Variants in ERCC1 observed in about 807,000 individuals in gnomAD.
The protein encoded by ERCC1 is DNA excision repair protein ERCC-1.
ERCC1 carries 36 observed loss-of-function variants against 37.6 expected under a neutral mutation model. That is an observed-to-expected ratio of 0.96 (90% CI 0.73 to 1.26). The LOEUF (loss-of-function observed/expected upper bound fraction) is 1.26. ERCC1 is among the 50% of genes most tolerant of loss of function. ERCC1 has a pLI of 0.00. For synonymous variants in ERCC1, 156 were observed against 162.1 expected (o/e 0.96, Z 0.28); for missense variants, 349 against 376.5 (o/e 0.93, Z 0.60).
At position 45,420,404 on chromosome 19, in the gene ERCC1, G is replaced by C. The variant is rs571797380; in HGVS notation, c.345C>G (p.Phe115Leu). Residue 115 changes from phenylalanine to leucine, a missense_variant, in exon 4 of 10, where the codon TTC becomes TTG. Transcript: ENST00000300853. This position sits in a 1 kb window ranked among gnomAD's most constrained non-coding sequence, Gnocchi z 4.8. ...PRQRGNPVLK[F>L]VRNVPWEFGD... ...CAAATTCCCAGGGCACATTGCGCACGAACTTCAGTACGGGATTGCCCCTCT... is the reference window on the plus strand; with the variant it reads ...CAAATTCCCAGGGCACATTGCGCACCAACTTCAGTACGGGATTGCCCCTCT... The C allele has an allele frequency of 6.2e-7, 1 of 1,613,214 alleles. No homozygotes were observed. Among genetic ancestry groups the C allele is most frequent in the Non-Finnish European group, 8.5e-7 (1 of 1,179,586 alleles).
intron 1 of ERCC1, among the ~76,000 whole-genome samples, chr19:45,439,117 T>A (rs1373239180): frequency 1.3e-5 from 2 of 151,394 alleles, no homozygotes; most frequent in African/African-American, 4.9e-5. Context: ...ACCCAGGAGG[T>A]GTAGGTTGCA....
Position 45,413,986 on chromosome 19 carries a change from G to C in ERCC1, c.751C>G (p.Gln251Glu), listed in dbSNP as rs1287659733. 6.2e-7 allele frequency: 1 copy of C among 1,613,918 alleles called. No individual in the cohort carries two copies. The highest frequency in any genetic ancestry group is 1.1e-5 in the South Asian group (1 of 91,072). Residue 251 changes from glutamine to glutamate, a missense_variant, in exon 8 of 10, where the codon CAG becomes GAG. Transcript: ENST00000300853. ...ACTCCAAATGTGGTCAGGAGGGTCTGACTGTCCGTTTTGTTGACTGACTTC... is the reference window on the plus strand; with the variant it reads ...ACTCCAAATGTGGTCAGGAGGGTCTCACTGTCCGTTTTGTTGACTGACTTC... ...TVKSVNKTDS[Q>E]TLLTTFGSLE...
chr19:45,448,613 G>A (rs982514836), intron 1 of ERCC1, among the ~76,000 whole-genome samples: 9 of 152,060 alleles, frequency 5.9e-5, no homozygotes, highest in Admixed American at 1.3e-4. Context: ...TTTGAGAGGC[G>A]GAGATGGGAG....
At chr19:45,416,794 A>T in intron 6 of ERCC1, 27 bp downstream of exon 6, 1 of 1,586,546 alleles carries the variant, frequency 6.3e-7, no homozygotes, top group Middle Eastern at 1.7e-4. Flanking sequence ...GTGGAGCCTG[A>T]ATGAGGCAGG....
At chr19:45,416,580 C>A in intron 6 of ERCC1, 1 of 508,586 alleles carries the variant, frequency 2.0e-6, no homozygotes. Context: ...ACCCCCAAGG[C>A]AGAGCCGAGA....
chr19:45,438,205 C>T (rs1488567864), intron 1 of ERCC1, among the ~76,000 whole-genome samples: 1 of 152,172 alleles, frequency 6.6e-6, no homozygotes, highest in Non-Finnish European at 1.5e-5. Context: ...CCACTGTGCC[C>T]GGCCTCTCAT....
chr19:45,414,527 G>A, intron 7 of ERCC1: 1 of 391,840 alleles, frequency 2.6e-6, no homozygotes, highest in South Asian at 2.3e-5. Context: ...GGAACAGAAG[G>A]GGCAAGTGCT....
chr19:45,447,324 G>A (rs1175405447), intron 1 of ERCC1, among the ~76,000 whole-genome samples: 1 of 147,248 alleles, frequency 6.8e-6, no homozygotes, highest in Non-Finnish European at 1.5e-5. Context: ...CATCCAGGCT[G>A]GAGTACAGTG....
rs1974081810 is a variant in ERCC1, at chr19:45,416,603, A to G, written c.602+218T>C. On this transcript the variant is annotated intron_variant, in intron 6 of 9. Coordinates refer to ENST00000300853, the MANE Select transcript of ERCC1 (RefSeq NM_001983.4). ...GGCAGAGCCGAGATCGTGCCACTGC[A>G]CTTCAGCCTAGGGGACAGAGTGAGG... 3 of 549,378 alleles carry G rather than the reference A, an allele frequency of 5.5e-6. No individual in the cohort carries two copies. In the African/African-American group the frequency reaches 5.7e-5, roughly 10 times the overall value. 34.0% of individuals were successfully genotyped at this position (549,378 alleles called of 1,614,324 possible).
At chr19:45,416,238 A>G (rs998439919) in intron 6 of ERCC1, among the ~76,000 whole-genome samples, 1 of 152,246 alleles carries the variant, frequency 6.6e-6, no homozygotes, top group Non-Finnish European at 1.5e-5. Flanking sequence ...ACTGCTGAAG[A>G]AATGTTAGCT....
upstream of ERCC1, chr19:45,424,021 A>C (rs1177170599): frequency 9.5e-7 from 1 of 1,050,382 alleles, no homozygotes; most frequent in African/African-American, 1.7e-5. Flanking sequence ...GGGAGGAGAG[A>C]GATGTGGCCT....
chr19:45,429,870 C>T (rs920540851), intron 1 of ERCC1, among the ~76,000 whole-genome samples: 3 of 152,096 alleles, frequency 2.0e-5, no homozygotes, highest in African/African-American at 4.8e-5. Context: ...CTGCAACTTC[C>T]GCCTCCCAGG....
chr19:45,424,246 C>A (rs1243110273), upstream of ERCC1: 3 of 176,392 alleles, frequency 1.7e-5, no homozygotes, highest in Non-Finnish European at 3.4e-5. Context: ...ATTCCCCCCA[C>A]GCGCTTCCTC....
In ERCC1 at chr19:45,429,380, A is replaced by C. The variant is rs558614403; in HGVS notation, c.-7-5999T>G. ...GAGGCTGAGGCAGGAGAATCGCTTG[A>C]ACCTGGGAGACAGAGGTTGTAGTGA... On this transcript the variant is annotated intron_variant, in intron 1 of 8. Coordinates refer to the ERCC1 transcript ENST00000423698. Among the ~76,000 whole-genome samples the C allele has an allele frequency of 8.5e-5, 13 of 152,254 alleles. No individual in the cohort carries two copies. The South Asian group carries it at 2.7e-3, about 32-fold the overall frequency.
In ERCC1 at chr19:45,407,340, G is replaced by C; in HGVS notation, c.*2335C>G. ...TTAGAGGTGAGTCACAGAGCACAGT[G>C]AAAGAAACAAGTTTATTGGAAACTA... On this transcript the variant is annotated 3_prime_UTR_variant, in exon 10 of 10. Transcript: ENST00000300853. 1.8e-6 allele frequency: 2 copies of C among 1,127,388 alleles called. No homozygotes were observed. The highest frequency in any genetic ancestry group is 1.3e-6 in the Non-Finnish European group (1 of 790,582). The allele number at this position is 1,127,388 out of a possible 1,614,324, so 69.8% of individuals were successfully genotyped here.
chr19:45,428,284 G>T (rs1284766159), upstream of ERCC1, among the ~76,000 whole-genome samples: 1 of 146,796 alleles, frequency 6.8e-6, no homozygotes, highest in Non-Finnish European at 1.5e-5. Flanking sequence ...GTGGGGGTGG[G>T]GGGGTGGGGT....
intron 6 of ERCC1, among the ~76,000 whole-genome samples, chr19:45,415,575 G>C (rs1258323138): frequency 7.1e-6 from 1 of 141,058 alleles, no homozygotes; most frequent in Non-Finnish European, 1.5e-5. Context: ...GGTGGAGTTT[G>C]CAATGAGCCG....
At position 45,407,371 on chromosome 19, in the gene ERCC1, T is replaced by G. The variant is rs915044390; in HGVS notation, c.*2304A>C. The G allele has an allele frequency of 4.6e-5, 36 of 779,818 alleles. No homozygotes were observed. Among genetic ancestry groups the G allele is most frequent in the Middle Eastern group, 7.1e-4 (2 of 2,818 alleles). 48.3% of individuals were successfully genotyped at this position (779,818 alleles called of 1,614,324 possible). Reference sequence around the variant, plus strand: ...AACAAGTTTATTGGAAACTACTCCTTTACAGAGTAGAGTGTCCTCAGAAAG... The same window carrying G: ...AACAAGTTTATTGGAAACTACTCCTGTACAGAGTAGAGTGTCCTCAGAAAG... On this transcript the variant is annotated 3_prime_UTR_variant, in exon 10 of 10. Coordinates refer to ENST00000300853, the MANE Select transcript of ERCC1 (RefSeq NM_001983.4).
intron 1 of ERCC1, among the ~76,000 whole-genome samples, chr19:45,437,321 A>G (rs1333991599): frequency 6.6e-6 from 1 of 152,146 alleles, no homozygotes; most frequent in Non-Finnish European, 1.5e-5. Context: ...AATCGTACAT[A>G]TGGATCTAGC....
Sources: gnomAD v4.1 joint callset for allele counts (sites outside exome capture counted in the v4.1 genomes callset) on GRCh38, gnomAD v4.1.1 for gene constraint, Gnocchi (gnomAD v3.1) non-coding constraint, MANE v1.5 for transcripts, NCBI Gene and HGNC (gene_info 2026-07-23, HGNC 2026-07-21) for gene names.